Variants in SGSM3 observed in about 807,000 individuals in gnomAD.
SGSM3 encodes the protein small G protein signaling modulator 3.
A neutral mutation model predicts 100.5 loss-of-function variants in SGSM3; 96 were observed. The observed-to-expected ratio is 0.96, with a 90% CI of 0.81 to 1.13. The LOEUF is 1.13. Among genes scored for constraint, SGSM3 ranks in the 50% most tolerant of loss-of-function variants. The pLI, the probability that SGSM3 is intolerant of heterozygous loss-of-function variation, is 0.00. For missense variants in SGSM3, 1,001 were observed against 1,015.8 expected (o/e 0.99, Z 0.20); for synonymous variants, 483 against 422.8 (o/e 1.14, Z -1.75).
At chr22:40,377,475 A>T (rs1329573284) in intron 1 of SGSM3, among the ~76,000 whole-genome samples, 1 of 152,190 alleles carries the variant, frequency 6.6e-6, no homozygotes, top group Non-Finnish European at 1.5e-5. Flanking sequence ...AGTTACCCAA[A>T]GTCAGTTTTG....
chr22:40,408,205 C>T (rs1243792170), intron 15 of SGSM3, 72 bp from the exon 16 acceptor site: 7 of 1,605,564 alleles, frequency 4.4e-6, no homozygotes, highest in African/African-American at 4.0e-5. Flanking sequence ...TGTAGCATGG[C>T]AGAGAGGACA....
At chr22:40,383,347 T>C (rs751743892) in intron 1 of SGSM3, among the ~76,000 whole-genome samples, 14 of 151,790 alleles carry the variant, frequency 9.2e-5, no homozygotes, top group South Asian at 4.2e-4. Context: ...GGTGCCTGTA[T>C]TCCCAGCTAC....
intron 10 of SGSM3, 113 bp downstream of exon 10, chr22:40,406,775 C>T: frequency 1.0e-6 from 1 of 995,444 alleles, no homozygotes; most frequent in African/African-American, 1.6e-5. Flanking sequence ...CCTGCTCTGC[C>T]CCCCAGCCTG....
chr22:40,371,790 G>T (rs952951034), intron 1 of SGSM3, among the ~76,000 whole-genome samples: 1 of 151,734 alleles, frequency 6.6e-6, no homozygotes, highest in Non-Finnish European at 1.5e-5. Flanking sequence ...TCCGCCTCCC[G>T]GATTCAAGTG....
chr22:40,380,199 A>G (rs76715661), intron 1 of SGSM3, among the ~76,000 whole-genome samples: 2 of 152,154 alleles, frequency 1.3e-5, no homozygotes, highest in East Asian at 1.9e-4. Flanking sequence ...TTGTATGACT[A>G]TTAACATTTT....
At position 40,409,804 on chromosome 22, in the gene SGSM3, C is replaced by G. The variant is rs1372939835; in HGVS notation, c.*45C>G. On this transcript the variant is annotated 3_prime_UTR_variant, in exon 22 of 22. Coordinates refer to ENST00000248929, the MANE Select transcript of SGSM3 (RefSeq NM_015705.6). ...ACCTCGGGCCTGCGTCTGAGGTGGC[C>G]CAGGACCCCAAGCTGCAGAGCCCAG... The G allele has an allele frequency of 8.2e-6, 13 of 1,585,378 alleles. No individual in the cohort carries two copies. The highest frequency in any genetic ancestry group is 1.1e-5 in the Non-Finnish European group (13 of 1,171,516).
intron 18 of SGSM3, 40 bp downstream of exon 18, chr22:40,408,882 G>C: frequency 1.2e-6 from 2 of 1,613,838 alleles, no homozygotes; most frequent in Non-Finnish European, 1.7e-6. Context: ...AGACCTCTCT[G>C]GGGTTAGCCT....
At position 40,408,688 on chromosome 22, in the gene SGSM3, A is replaced by G. The variant is rs746297074; in HGVS notation, c.1844A>G (p.Lys615Arg). The change falls in exon 17 of 22, where the codon AAG (lysine) becomes AGG (arginine). Residue 615 changes from lysine to arginine, a missense_variant. Transcript: ENST00000248929. ...ASVYSRLVLC[K>R]TFRLDEDGKV... is the part of the protein sequence containing the mutation. ...GTGTATTCCCGTCTGGTGCTCTGTA[A>G]GACCTTCAGGTAACTCGGCCCGGGT... 3 of 1,614,018 alleles carry G rather than the reference A, an allele frequency of 1.9e-6. No homozygotes were observed. The highest frequency in any genetic ancestry group is 2.5e-6 in the Non-Finnish European group (3 of 1,180,026).
rs374103902 is a variant in SGSM3, at chr22:40,409,674, G to C, written c.2173-8G>C. 18 of 1,613,136 alleles carry C rather than the reference G, an allele frequency of 1.1e-5. No homozygotes were observed. Among genetic ancestry groups the C allele is most frequent in the Non-Finnish European group, 1.4e-5 (17 of 1,179,648 alleles). On this transcript the variant is annotated splice_region_variant and splice_polypyrimidine_tract_variant and intron_variant, in intron 21 of 21. Transcript: ENST00000248929. ...GGCCTGTGAGGTGAGGGGCTGCCCT[G>C]TTTGCAGGCGCAGCAGCCCCTGAAG...
At chr22:40,393,847 A>G (rs2049695975) in intron 1 of SGSM3, among the ~76,000 whole-genome samples, 1 of 152,230 alleles carries the variant, frequency 6.6e-6, no homozygotes, top group African/African-American at 2.4e-5. Context: ...AGGAGGCTTC[A>G]TGGCCTCATC....
chr22:40,384,889 G>A (rs1170564980), intron 1 of SGSM3, among the ~76,000 whole-genome samples: 2 of 152,232 alleles, frequency 1.3e-5, no homozygotes, highest in Non-Finnish European at 2.9e-5. Flanking sequence ...ATAGAGATTT[G>A]TAATTTATAT....
intron 1 of SGSM3, among the ~76,000 whole-genome samples, chr22:40,394,639 C>T (rs1177335539): frequency 7.5e-6 from 1 of 133,578 alleles, no homozygotes; most frequent in African/African-American, 2.8e-5. Flanking sequence ...AGTAAGACTC[C>T]TGTCTCAAAA....
intron 1 of SGSM3, among the ~76,000 whole-genome samples, chr22:40,400,330 C>G (rs1196102382): frequency 2.6e-5 from 4 of 152,132 alleles, no homozygotes; most frequent in Non-Finnish European, 4.4e-5. Flanking sequence ...GCCTTTAATT[C>G]TGTGGTTAGA....
At chr22:40,400,587 G>A (rs1444308333) in intron 1 of SGSM3, 109 bp from the exon 2 acceptor site, 1 of 434,598 alleles carries the variant, frequency 2.3e-6, no homozygotes, top group Non-Finnish European at 4.2e-6. Flanking sequence ...AGGTTGCAGT[G>A]AGCTGAGATT....
At chr22:40,391,472 G>A (rs920960006) in intron 1 of SGSM3, among the ~76,000 whole-genome samples, 2 of 152,174 alleles carry the variant, frequency 1.3e-5, no homozygotes, top group Non-Finnish European at 2.9e-5. Context: ...TTAGCCTGGT[G>A]TGGTGGTGCA....
rs568568078 is a variant in SGSM3 at position 40,409,018 on chromosome 22, A to C, written c.1988A>C (p.Asn663Thr). The C allele has an allele frequency of 6.4e-7, 1 of 1,562,168 alleles. No homozygotes were observed. ...CGCTCACTGATCTGCGTGGGGCTCA[A>C]GTGAGTGTGGAAAAGGGGTTGGAGG... is the stretch of plus-strand genomic sequence containing the variant. The part of the protein sequence containing the change: ...KLRSLICVGL[N>T]EQVLHLWLEV... The change falls in exon 19 of 22, where the codon AAT (asparagine) becomes ACT (threonine). Residue 663 changes from asparagine (N) to threonine (T), a missense_variant and splice_region_variant. By Grantham distance (65) the Asn-to-Thr change is moderately conservative. Coordinates refer to ENST00000248929, the MANE Select transcript of SGSM3 (RefSeq NM_015705.6).
rs2051168073 is a variant in SGSM3 at position 40,404,471 on chromosome 22, G to C, written c.366+16G>C. 4 of 1,607,470 alleles carry C rather than the reference G, an allele frequency of 2.5e-6. No individual in the cohort carries two copies. Among genetic ancestry groups the C allele is most frequent in the Non-Finnish European group, 3.4e-6 (4 of 1,176,142 alleles). On this transcript the variant is annotated intron_variant, in intron 5 of 21. Coordinates refer to ENST00000248929, the MANE Select transcript of SGSM3 (RefSeq NM_015705.6). ...GAGGCCACAGGTAAGGTGGCCACAG[G>C]GACCCACAGGGTGTTGAGAGGGTCC...
chr22:40,397,331 C>A (rs1003200725), intron 1 of SGSM3, among the ~76,000 whole-genome samples: 2 of 152,044 alleles, frequency 1.3e-5, no homozygotes, highest in African/African-American at 4.8e-5. Context: ...CTTTGGGAGG[C>A]TGAGGCAGGA....
chr22:40,405,149 G>T lies in SGSM3; in HGVS notation c.483G>T (p.Lys161Asn). The part of the protein sequence containing the change: ...DETIAAKQIE[K>N]DLLRTMPSNA... ...CGATGGCTGCCTGACAGATCGAGAA[G>T]GACCTGCTCCGCACCATGCCCAGCA... Residue 161 changes from lysine to asparagine, a missense_variant, in exon 7 of 22, where the codon AAG (lysine) becomes AAT (asparagine). Physicochemically the swap from Lys to Asn is moderately conservative, Grantham distance 94. Transcript: ENST00000248929. 2 of 1,522,742 alleles carry T rather than the reference G, an allele frequency of 1.3e-6. No individual in the cohort carries two copies. The highest frequency in any genetic ancestry group is 1.8e-6 in the Non-Finnish European group (2 of 1,133,764). 94.3% of individuals were successfully genotyped at this position (1,522,742 alleles called of 1,614,324 possible).
Sources: gnomAD v4.1 joint callset for allele counts (sites outside exome capture counted in the v4.1 genomes callset) on GRCh38, gnomAD v4.1.1 for gene constraint, MANE v1.5 for transcripts, NCBI Gene and HGNC (gene_info 2026-07-23, HGNC 2026-07-21) for gene names.